The following PRKAR1B variants were observed in gnomAD, a reference collection of about 807,000 sequenced individuals.
PRKAR1B encodes the protein protein kinase cAMP-dependent type I regulatory subunit beta.
In PRKAR1B, 22 loss-of-function variants were observed where a neutral mutation model predicts 46.5. The observed-to-expected ratio is 0.47, with a 90% CI of 0.34 to 0.68. The LOEUF (loss-of-function observed/expected upper bound fraction) is 0.68, where lower values mean the gene tolerates loss of function less well. Among genes scored for constraint, PRKAR1B ranks in the 30% least tolerant of loss-of-function variants. The pLI is 0.01. For missense variants in PRKAR1B, 445 were observed against 535.6 expected (o/e 0.83, Z 1.67); for synonymous variants, 259 against 217.7 (o/e 1.19, Z -1.67).
intron 2 of PRKAR1B, among the ~76,000 whole-genome samples, chr7:689,688 C>CTT (rs113350333): frequency 1.3e-5 from 2 of 150,074 alleles, no homozygotes; most frequent in African/African-American, 4.9e-5. Context: ...AAAGAGAAGA[C>CTT]TTTTTTTTTG....
chr7:562,432 A>G (rs1054407011), intron 9 of PRKAR1B, among the ~76,000 whole-genome samples: 4 of 152,106 alleles, frequency 2.6e-5, no homozygotes, highest in African/African-American at 9.7e-5. Flanking sequence ...ATCTCTGTCC[A>G]CAGGACTCCT....
Position 727,249 on chromosome 7 carries a change from G to A in PRKAR1B, c.-62C>T. On this transcript the variant is annotated 5_prime_UTR_variant, in exon 1 of 11. Transcript: ENST00000537384. ...GCGCGCGCTGCGCTGCTCCCTGCTC[G>A]ACCCCTTCGCCGCCGTGCGCCGCGA... is the stretch of plus-strand genomic sequence containing the variant. 7.4e-7 allele frequency: 1 copy of A among 1,344,502 alleles called. No homozygotes were observed. Among genetic ancestry groups the A allele is most frequent in the Non-Finnish European group, 9.5e-7 (1 of 1,050,944 alleles). The allele number at this position is 1,344,502 out of a possible 1,614,324, so 83.3% of individuals were successfully genotyped here. A position where few individuals can be genotyped will look rare whatever the true frequency, so the allele number is the denominator to read the frequency against.
intron 4 of PRKAR1B, among the ~76,000 whole-genome samples, chr7:657,090 A>C (rs1302055461): frequency 7.4e-6 from 1 of 135,124 alleles, no homozygotes; most frequent in Non-Finnish European, 1.6e-5. Flanking sequence ...AATGAATGAA[A>C]GGATGCATGA....
chr7:583,043 G>A (rs1006313634), intron 8 of PRKAR1B, among the ~76,000 whole-genome samples: 1 of 152,096 alleles, frequency 6.6e-6, no homozygotes, highest in African/African-American at 2.4e-5. Flanking sequence ...AGGAGGGTCC[G>A]GGGGCTGCCA....
At chr7:672,145 G>A (rs1372026709) in intron 4 of PRKAR1B, among the ~76,000 whole-genome samples, 1 of 151,742 alleles carries the variant, frequency 6.6e-6, no homozygotes, top group Non-Finnish European at 1.5e-5. Flanking sequence ...TAAATTCTGT[G>A]GAACCGAATT....
intron 1 of PRKAR1B, among the ~76,000 whole-genome samples, chr7:713,463 A>G (rs570236532): frequency 6.7e-6 from 1 of 148,816 alleles, no homozygotes; most frequent in South Asian, 2.1e-4. Flanking sequence ...ACTCACCCGT[A>G]CACACCATCT....
intron 4 of PRKAR1B, among the ~76,000 whole-genome samples, chr7:642,132 G>A (rs1039648794): frequency 6.6e-6 from 1 of 152,092 alleles, no homozygotes; most frequent in African/African-American, 2.4e-5. Context: ...CTGAGCTCAA[G>A]CGATCCACCC....
At chr7:639,864 A>AAAAAGG (rs1259758475) in intron 4 of PRKAR1B, among the ~76,000 whole-genome samples, 1 of 151,654 alleles carries the variant, frequency 6.6e-6, no homozygotes, top group Non-Finnish European at 1.5e-5. Context: ...CCTTAAAAAG[A>AAAAAGG]AAAAAAGAAA....
chr7:713,778 C>A (rs960359880), intron 1 of PRKAR1B, among the ~76,000 whole-genome samples: 31 of 152,258 alleles, frequency 2.0e-4, no homozygotes, highest in African/African-American at 6.0e-4. Flanking sequence ...GAGCACATTC[C>A]CCAGCAGGGC....
At chr7:622,986 G>A (rs1783194119) in intron 4 of PRKAR1B, among the ~76,000 whole-genome samples, 1 of 152,114 alleles carries the variant, frequency 6.6e-6, no homozygotes, top group South Asian at 2.1e-4. Flanking sequence ...GTTATTTAAG[G>A]AAAGGAAGTG....
intron 9 of PRKAR1B, among the ~76,000 whole-genome samples, chr7:564,113 A>G (rs1325804954): frequency 6.6e-6 from 1 of 152,038 alleles, no homozygotes; most frequent in Non-Finnish European, 1.5e-5. Flanking sequence ...CTCCCCACAG[A>G]GACCATACCC....
At chr7:609,198 A>G (rs1283753613) in intron 4 of PRKAR1B, among the ~76,000 whole-genome samples, 1 of 152,164 alleles carries the variant, frequency 6.6e-6, no homozygotes. Context: ...TCCCTGGTGC[A>G]CGCATCTGCA....
At chr7:616,872 G>A (rs1043477531) in intron 4 of PRKAR1B, among the ~76,000 whole-genome samples, 2 of 152,078 alleles carry the variant, frequency 1.3e-5, no homozygotes, top group Non-Finnish European at 2.9e-5. Context: ...GAAGCGCCTC[G>A]GGCCCTTTAT....
chr7:647,663 G>A (rs536412419), intron 4 of PRKAR1B, among the ~76,000 whole-genome samples: 17 of 151,800 alleles, frequency 1.1e-4, no homozygotes, highest in African/African-American at 3.9e-4. Flanking sequence ...AAAATTAGCC[G>A]GGCGAGGTGG....
rs191010818 is a variant in PRKAR1B, at chr7:606,500, C to T, written c.503-261G>A. Among the ~76,000 whole-genome samples the T allele has an allele frequency of 1.0e-3, 157 of 152,108 alleles. 1 individual carries two copies. The highest frequency in any genetic ancestry group is 6.8e-3 in the Middle Eastern group (2 of 294). On this transcript the variant is annotated intron_variant, in intron 5 of 10. Coordinates refer to ENST00000537384, the MANE Select transcript of PRKAR1B (RefSeq NM_001164760.2). ...TGTTTGTTTTTTGTTTTTTTTGAGA[C>T]GGAGTCAGGCTCTCGGCTCACTGCA...
chr7:563,665 A>G (rs1778950372), intron 9 of PRKAR1B, among the ~76,000 whole-genome samples: 1 of 151,878 alleles, frequency 6.6e-6, no homozygotes, highest in African/African-American at 2.4e-5. Context: ...CTGTGTGAGC[A>G]TGTGTGCACG....
At chr7:621,561 C>CTTGGGAA (rs1230924931) in intron 4 of PRKAR1B, among the ~76,000 whole-genome samples, 1 of 152,242 alleles carries the variant, frequency 6.6e-6, no homozygotes, top group Non-Finnish European at 1.5e-5. Context: ...CCACGTTTTC[C>CTTGGGAA]ACTTAATTCC....
intron 4 of PRKAR1B, among the ~76,000 whole-genome samples, chr7:623,914 C>T (rs1233386694): frequency 6.6e-6 from 1 of 152,226 alleles, no homozygotes; most frequent in Non-Finnish European, 1.5e-5. Flanking sequence ...CCGCTCTACC[C>T]TGTGGATCTA....
intron 4 of PRKAR1B, among the ~76,000 whole-genome samples, chr7:621,139 C>T (rs1193272846): frequency 6.6e-6 from 1 of 152,210 alleles, no homozygotes; most frequent in Non-Finnish European, 1.5e-5. Context: ...CAGTACAGTA[C>T]ATACAATGAT....
Sources: allele counts gnomAD v4.1 joint callset (sites outside exome capture counted in the v4.1 genomes callset), GRCh38; gene constraint gnomAD v4.1.1; transcripts MANE v1.5; gene names NCBI Gene and HGNC (gene_info 2026-07-23, HGNC 2026-07-21).